The following PTCHD4 variants were observed in gnomAD, a reference collection of about 807,000 sequenced individuals.
PTCHD4 encodes the protein patched domain containing 4.
Under a neutral mutation model 58.1 loss-of-function variants are expected in PTCHD4, and 33 were observed. That is an observed-to-expected ratio of 0.57 (90% CI 0.43 to 0.76). The LOEUF (loss-of-function observed/expected upper bound fraction) is 0.76, where lower values mean the gene tolerates loss of function less well. PTCHD4 is among the 30% of genes least tolerant of loss of function. The pLI is 0.00. For synonymous variants in PTCHD4, 478 were observed against 409.6 expected (o/e 1.17, Z -2.02); for missense variants, 1,058 against 1,027.1 (o/e 1.03, Z -0.41).
intron 1 of PTCHD4, among the ~76,000 whole-genome samples, chr6:48,090,208 T>C (rs1765337824): frequency 6.6e-6 from 1 of 152,204 alleles, no homozygotes; most frequent in African/African-American, 2.4e-5. Flanking sequence ...AAATATTAAG[T>C]AAATATGCAT....
chr6:48,008,669 T>C lies in PTCHD4; in HGVS notation c.863A>G (p.Asn288Ser). The change falls in exon 4 of 5, where the codon AAC (asparagine) becomes AGC (serine). Residue 288 changes from asparagine (N) to serine (S), a missense_variant. By Grantham distance (46) the Asn-to-Ser change is conservative. Transcript: ENST00000339488. The stretch of plus-strand genomic sequence containing the variant: ...GAACGGGATTCCCAGCAGGGTGGAG[T>C]TGTACTTTCCATCGGTGATGAAGAA... ...GIFFITDGKYNSTLLGIPFFA... is the reference protein window; with the variant it reads ...GIFFITDGKYSSTLLGIPFFA... The C allele has an allele frequency of 1.2e-6, 2 of 1,613,240 alleles. No individual in the cohort carries two copies. Among genetic ancestry groups the C allele is most frequent in the Non-Finnish European group, 1.7e-6 (2 of 1,179,664 alleles).
At chr6:47,909,743 T>G (rs1765010945) in intron 4 of PTCHD4, among the ~76,000 whole-genome samples, 1 of 151,896 alleles carries the variant, frequency 6.6e-6, no homozygotes, top group South Asian at 2.1e-4. Flanking sequence ...TGCCTGGACT[T>G]TTTTTTTCTA....
chr6:48,087,272 C>T (rs1214439490), intron 1 of PTCHD4, among the ~76,000 whole-genome samples: 1 of 152,116 alleles, frequency 6.6e-6, no homozygotes, highest in Non-Finnish European at 1.5e-5. Flanking sequence ...CTGATCTATC[C>T]AGTATCTTCA....
At position 48,068,105 on chromosome 6, in the gene PTCHD4, T is replaced by C. The variant is rs1764859498; in HGVS notation, c.417+125A>G. Reference sequence around the variant, plus strand: ...CACTTGCACCCTGGCTGTTGTCTTATTGGAGACGGCAGCCTGCCTGAGATC... The same window carrying C: ...CACTTGCACCCTGGCTGTTGTCTTACTGGAGACGGCAGCCTGCCTGAGATC... On this transcript the variant is annotated intron_variant, in intron 3 of 4. Transcript: ENST00000339488. This position sits in a 1 kb window ranked among gnomAD's most constrained non-coding sequence, Gnocchi z 4.2. The C allele has an allele frequency of 3.7e-5, 38 of 1,038,058 alleles. No individual in the cohort carries two copies. The South Asian group carries it at 5.7e-4, about 15-fold the overall frequency. 64.3% of individuals were successfully genotyped at this position (1,038,058 alleles called of 1,614,324 possible). A position where few individuals can be genotyped will look rare whatever the true frequency, so the allele number is the denominator to read the frequency against.
intron 4 of PTCHD4, among the ~76,000 whole-genome samples, chr6:47,958,804 T>A (rs761361781): frequency 6.6e-6 from 1 of 152,210 alleles, no homozygotes; most frequent in South Asian, 2.1e-4. Flanking sequence ...TAGTGTCTGC[T>A]ACCATCAGCC....
At chr6:47,936,543 TCCAG>T (rs1766005458) in intron 4 of PTCHD4, among the ~76,000 whole-genome samples, 1 of 152,206 alleles carries the variant, frequency 6.6e-6, no homozygotes, top group Non-Finnish European at 1.5e-5. Context: ...TAATGGCAAA[TCCAG>T]AATTTCAAAC....
chr6:48,073,833 C>T (rs1765016401), intron 1 of PTCHD4, among the ~76,000 whole-genome samples: 1 of 152,158 alleles, frequency 6.6e-6, no homozygotes, highest in African/African-American at 2.4e-5. Context: ...CTGATTTGCA[C>T]TTAACCTCCA....
chr6:48,064,996 A>G (rs1043032656), intron 3 of PTCHD4, among the ~76,000 whole-genome samples: 38 of 152,118 alleles, frequency 2.5e-4, no homozygotes, highest in African/African-American at 9.2e-4. Context: ...GTTTTATCTA[A>G]GCCTCTATTT....
chr6:47,901,526 A>G, intron 4 of PTCHD4: 1 of 991,608 alleles, frequency 1.0e-6, no homozygotes, highest in Non-Finnish European at 1.2e-6. Flanking sequence ...TATGATTGGA[A>G]TCAATTTATT....
intron 4 of PTCHD4, among the ~76,000 whole-genome samples, chr6:47,888,707 G>C (rs1764276784): frequency 6.6e-6 from 1 of 151,254 alleles, no homozygotes; most frequent in African/African-American, 2.4e-5. Flanking sequence ...TGCACATTGT[G>C]CAGGTTAGAT....
chr6:48,070,102 CTAATAT>C (rs543886359), intron 1 of PTCHD4, among the ~76,000 whole-genome samples, 176 bp from the exon 2 acceptor site: 22 of 150,536 alleles, frequency 1.5e-4, no homozygotes, highest in African/African-American at 4.9e-4. Flanking sequence ...ACTTCAAAAA[CTAATAT>C]TAATAAGTGT....
intron 1 of PTCHD4, among the ~76,000 whole-genome samples, chr6:48,102,651 A>T (rs1765631108): frequency 1.3e-5 from 2 of 152,222 alleles, no homozygotes; most frequent in Non-Finnish European, 2.9e-5. Flanking sequence ...CGTGAGCCGA[A>T]GCAGGGCGAG....
rs1466000578 is a variant in PTCHD4, at chr6:48,068,380, G to C, written c.267C>G (p.Phe89Leu). 1 of 1,613,988 alleles carries C rather than the reference G, an allele frequency of 6.2e-7. No homozygotes were observed. Among genetic ancestry groups the C allele is most frequent in the African/African-American group, 1.3e-5 (1 of 75,042 alleles). The stretch of plus-strand genomic sequence containing the variant: ...GCTGGCTTTTGGACTGGTCCAGGGG[G>C]AAAAGGCTGCTGGCCAGGCTGCGCT... ...KIERSLASSL[F>L]PLDQSKSQLY... The change falls in exon 3 of 5, where the codon TTC becomes TTG. Residue 89 changes from phenylalanine (F) to leucine (L), a missense_variant. Phe to Leu is a conservative substitution (Grantham distance 22). Transcript: ENST00000339488. This position sits in a 1 kb window ranked among gnomAD's most constrained non-coding sequence, Gnocchi z 4.2.
intron 1 of PTCHD4, among the ~76,000 whole-genome samples, chr6:48,091,581 C>A (rs945409687): frequency 2.0e-5 from 3 of 152,086 alleles, no homozygotes; most frequent in African/African-American, 4.8e-5. Context: ...AGATATTATA[C>A]TTTCTTTTTC....
intron 4 of PTCHD4, chr6:47,890,800 C>T: frequency 1.6e-6 from 1 of 629,470 alleles, no homozygotes; most frequent in Non-Finnish European, 2.0e-6. Context: ...CACTGCAGAG[C>T]CAGCACACAC....
At chr6:48,053,251 G>T (rs373340024) in intron 3 of PTCHD4, among the ~76,000 whole-genome samples, 1 of 152,086 alleles carries the variant, frequency 6.6e-6, no homozygotes, top group African/African-American at 2.4e-5. Context: ...TCTTGTTTAA[G>T]CTAAGACTGA....
chr6:47,962,763 G>A (rs1483786032), intron 4 of PTCHD4, among the ~76,000 whole-genome samples: 1 of 150,856 alleles, frequency 6.6e-6, no homozygotes, highest in Non-Finnish European at 1.5e-5. Context: ...TATGAAAATG[G>A]ACTAATATAC....
chr6:47,878,593 A>G lies in PTCHD4; in HGVS notation c.2242T>C (p.Ser748Pro). ...EHTRTQCIKS[S>P]LQDHGTAILQ... ...ATGGCTGTCCCATGGTCTTGCAAGG[A>G]GCTTTTTATACATTGTGTTCGGGTG... Residue 748 changes from serine to proline, a missense_variant, in exon 5 of 5, where the codon TCC becomes CCC. By Grantham distance (74) the Ser-to-Pro change is moderately conservative (BLOSUM62 -1). Transcript: ENST00000339488. 1 of 1,613,632 alleles carries G rather than the reference A, an allele frequency of 6.2e-7. No individual in the cohort carries two copies. The highest frequency in any genetic ancestry group is 8.5e-7 in the Non-Finnish European group (1 of 1,179,756).
At chr6:47,910,873 T>C (rs1765047150) in intron 4 of PTCHD4, among the ~76,000 whole-genome samples, 1 of 152,176 alleles carries the variant, frequency 6.6e-6, no homozygotes, top group African/African-American at 2.4e-5. Flanking sequence ...TCCTCACGTA[T>C]AAATATTTAT....
Sources: gnomAD v4.1 joint callset for allele counts (sites outside exome capture counted in the v4.1 genomes callset) on GRCh38, gnomAD v4.1.1 for gene constraint, Gnocchi (gnomAD v3.1) non-coding constraint, MANE v1.5 for transcripts, NCBI Gene and HGNC (gene_info 2026-07-23, HGNC 2026-07-21) for gene names.